TTC3: variants seen among roughly 807,000 people sequenced by gnomAD.
TTC3 encodes tetratricopeptide repeat domain 3, also known as E3 ubiquitin-protein ligase TTC3.
Under a neutral mutation model 249.6 loss-of-function variants are expected in TTC3, and 180 were observed. The observed-to-expected ratio is 0.72, with a 90% confidence interval of 0.64 to 0.82. The LOEUF is 0.82. Ranked by LOEUF, TTC3 falls within the 40% of genes least tolerant of loss-of-function variation. The probability of loss-of-function intolerance (pLI) is 0.00; values close to 1 mark genes in which losing one functional copy is unlikely to be tolerated. For synonymous variants in TTC3, 717 were observed against 805.0 expected (o/e 0.89, Z 1.85); for missense variants, 2,061 against 2,398.4 (o/e 0.86, Z 2.94).
intron 27 of TTC3, among the ~76,000 whole-genome samples, chr21:37,156,166 A>G (rs568170726): frequency 6.6e-6 from 1 of 151,320 alleles, no homozygotes; most frequent in East Asian, 2.0e-4. Context: ...CCTCCCAAGT[A>G]GCTGGGACTA....
intron 11 of TTC3, among the ~76,000 whole-genome samples, chr21:37,112,623 C>G (rs2075775444): frequency 6.6e-6 from 1 of 152,194 alleles, no homozygotes; most frequent in African/African-American, 2.4e-5. Flanking sequence ...CTAGGAGGAG[C>G]TGGTACCATT....
chr21:37,124,665 C>A (rs753334807), exon 14 of TTC3: 1 of 1,613,458 alleles, frequency 6.2e-7, no homozygotes, highest in Non-Finnish European at 8.5e-7. Context: ...TACTACTTCA[C>A]TTAACTTTGT....
intron 1 of TTC3, among the ~76,000 whole-genome samples, chr21:37,085,475 G>T (rs1730221944): frequency 6.6e-6 from 1 of 152,228 alleles, no homozygotes; most frequent in Non-Finnish European, 1.5e-5. Flanking sequence ...GACAGTGAAT[G>T]AGAATGGAGG....
At chr21:37,118,934 C>T (rs540581509) in intron 11 of TTC3, among the ~76,000 whole-genome samples, 1 of 152,122 alleles carries the variant, frequency 6.6e-6, no homozygotes, top group Non-Finnish European at 1.5e-5. Flanking sequence ...TTAACATATT[C>T]CATCTTTCCT....
intron 1 of TTC3, chr21:37,082,341 G>GTT: frequency 2.9e-5 from 8 of 279,034 alleles, no homozygotes; most frequent in Non-Finnish European, 3.8e-5. Flanking sequence ...TTGCTTTTTT[G>GTT]TTTTTTTTTC....
chr21:37,110,636 A>T (rs1310582112), intron 11 of TTC3, among the ~76,000 whole-genome samples: 2 of 152,198 alleles, frequency 1.3e-5, no homozygotes, highest in African/African-American at 4.8e-5. Context: ...TATCTGTAGG[A>T]TATTATCCAG....
intron 36 of TTC3, among the ~76,000 whole-genome samples, chr21:37,184,627 C>CTT (rs1360034116): frequency 6.9e-5 from 5 of 72,084 alleles, no homozygotes; most frequent in Non-Finnish European, 1.1e-4. Context: ...ACTAATTTTT[C>CTT]TATTTTTTTT....
rs969365900 is a variant in TTC3 at position 37,200,241 on chromosome 21, G to A, written c.5860G>A (p.Ala1954Thr). The change falls in exon 45 of 46, where the codon GCA becomes ACA. Residue 1954 changes from alanine (A) to threonine (T), a missense_variant. By Grantham distance (58) the Ala-to-Thr change is moderately conservative. Transcript: ENST00000355666. ...GTGTTTGTTTCCACAGGCACTGGGT[G>A]CAAGTTCCTGTGAAATATGCCACGA... 16 of 1,614,022 alleles carry A rather than the reference G, an allele frequency of 9.9e-6. No homozygotes were observed. Among genetic ancestry groups the A allele is most frequent in the Admixed American group, 6.7e-5 (4 of 60,000 alleles).
intron 23 of TTC3, among the ~76,000 whole-genome samples, chr21:37,149,668 C>G (rs1035687107): frequency 1.5e-4 from 23 of 152,128 alleles, no homozygotes; most frequent in African/African-American, 5.6e-4. Flanking sequence ...CAGTTGTTGG[C>G]TGGGACTGGG....
At chr21:37,174,399 G>A (rs2082061750) in intron 35 of TTC3, among the ~76,000 whole-genome samples, 1 of 152,206 alleles carries the variant, frequency 6.6e-6, no homozygotes, top group Admixed American at 6.5e-5. Context: ...GCTAATCTGA[G>A]TTCCTTGGGT....
intron 41 of TTC3, chr21:37,194,329 G>C (rs1248440411): frequency 6.6e-6 from 1 of 152,170 alleles, no homozygotes; most frequent in East Asian, 1.9e-4. Flanking sequence ...TGAGTAGCGT[G>C]ATGAAATCTG....
intron 13 of TTC3, among the ~76,000 whole-genome samples, chr21:37,123,699 TTTAAC>T (rs1326476976): frequency 2.6e-5 from 4 of 152,194 alleles, no homozygotes; most frequent in Non-Finnish European, 5.9e-5. Context: ...AGTATCCTAA[TTTAAC>T]TTAACTTAGG....
rs2084190706 is a variant in TTC3, at chr21:37,191,981, G to A, written c.5116-131G>A. 1.0e-5 allele frequency: 6 copies of A among 580,300 alleles called. No homozygotes were observed. The East Asian group carries it at 1.8e-4, about 17-fold the overall frequency. 35.9% of individuals were successfully genotyped at this position (580,300 alleles called of 1,614,324 possible). ...GAGTTATGTTTGAAAAGGCTTTGGA[G>A]CATTCGGTTTAATGAGGTCTTATTT... On this transcript the variant is annotated intron_variant, in intron 40 of 45. Coordinates refer to ENST00000355666, the Ensembl canonical transcript of TTC3.
intron 35 of TTC3, among the ~76,000 whole-genome samples, chr21:37,182,131 C>T (rs747738827): frequency 4.0e-5 from 6 of 151,894 alleles, no homozygotes; most frequent in Non-Finnish European, 5.9e-5. Flanking sequence ...AGCATGTGCC[C>T]CACCCAAACC....
chr21:37,117,419 T>C (rs1278739587), intron 11 of TTC3, among the ~76,000 whole-genome samples: 1 of 152,174 alleles, frequency 6.6e-6, no homozygotes, highest in African/African-American at 2.4e-5. Flanking sequence ...ATTCTTTTGC[T>C]TGAAACAAAA....
At chr21:37,123,019 A>G in exon 13 of TTC3, 1 of 1,614,046 alleles carries the variant, frequency 6.2e-7, no homozygotes, top group South Asian at 1.1e-5. Context: ...AAAGCCTTTT[A>G]TGAAAACAGG....
At chr21:37,172,142 A>T (rs1208111562) in intron 34 of TTC3, among the ~76,000 whole-genome samples, 6 of 152,226 alleles carry the variant, frequency 3.9e-5, no homozygotes, top group African/African-American at 9.6e-5. Context: ...TAATATTTTA[A>T]TTTGTCATTT....
chr21:37,130,340 A>G (rs557277318), intron 16 of TTC3, among the ~76,000 whole-genome samples: 1 of 152,192 alleles, frequency 6.6e-6, no homozygotes, highest in East Asian at 1.9e-4. Flanking sequence ...GAAACCAGAT[A>G]TTAATATATG....
intron 11 of TTC3, among the ~76,000 whole-genome samples, chr21:37,120,076 C>T (rs2076462111): frequency 6.6e-6 from 1 of 152,120 alleles, no homozygotes; most frequent in East Asian, 1.9e-4. Flanking sequence ...GCCACACTTC[C>T]ACCGTGCCGT....
Sources: gnomAD v4.1 joint callset for allele counts (sites outside exome capture counted in the v4.1 genomes callset) on GRCh38, gnomAD v4.1.1 for gene constraint, MANE v1.5 for transcripts, NCBI Gene and HGNC (gene_info 2026-07-23, HGNC 2026-07-21) for gene names.